The following PTPRO variants were observed in gnomAD, a reference collection of about 807,000 sequenced individuals.
PTPRO encodes receptor-type tyrosine-protein phosphatase O.
In PTPRO, 62 loss-of-function variants were observed where a neutral mutation model predicts 145.2. That is an observed-to-expected ratio of 0.43 (90% CI 0.35 to 0.53). The LOEUF is 0.53. PTPRO is among the 20% of genes least tolerant of loss of function. PTPRO has a pLI of 0.01. For synonymous variants in PTPRO, 565 were observed against 514.7 expected, an observed-to-expected ratio of 1.10 and a Z score of -1.32; for missense variants, 1,345 against 1,482.7, an observed-to-expected ratio of 0.91 and a Z score of 1.53.
intron 1 of PTPRO, among the ~76,000 whole-genome samples, chr12:15,428,263 GT>G (rs750342264): frequency 3.8e-4 from 58 of 152,212 alleles, no homozygotes; most frequent in Non-Finnish European, 6.6e-4. Flanking sequence ...AAATAATTTG[GT>G]TGCAAGGGTG....
At chr12:15,510,005 G>A (rs912022961) in intron 7 of PTPRO, among the ~76,000 whole-genome samples, 1 of 151,918 alleles carries the variant, frequency 6.6e-6, no homozygotes, top group Non-Finnish European at 1.5e-5. Flanking sequence ...GGTGGTTCTT[G>A]GTGTCTTACA....
At chr12:15,443,747 A>G (rs1940831612) in intron 1 of PTPRO, among the ~76,000 whole-genome samples, 1 of 152,176 alleles carries the variant, frequency 6.6e-6, no homozygotes, top group African/African-American at 2.4e-5. Context: ...GCTCATCATC[A>G]CTAATCATCA....
chr12:15,379,485 C>T (rs897922640), intron 1 of PTPRO, among the ~76,000 whole-genome samples: 1 of 137,266 alleles, frequency 7.3e-6, no homozygotes, highest in East Asian at 2.1e-4. Flanking sequence ...GAGCCCAGAT[C>T]GTGCCATTGC....
chr12:15,481,885 A>G (rs182397661), intron 1 of PTPRO, among the ~76,000 whole-genome samples: 10 of 152,286 alleles, frequency 6.6e-5, no homozygotes, highest in African/African-American at 2.2e-4. Context: ...AGAAACAAAA[A>G]TCAATAAGTT....
intron 5 of PTPRO, among the ~76,000 whole-genome samples, chr12:15,503,696 G>A (rs369375081): frequency 8.5e-5 from 13 of 152,082 alleles, no homozygotes; most frequent in East Asian, 3.8e-4. Context: ...TTTGAATGCC[G>A]TATTTGAGTT....
intron 1 of PTPRO, among the ~76,000 whole-genome samples, chr12:15,392,512 A>G (rs7136113): frequency 0.3 from 44,794 of 151,666 alleles, 7,428 homozygotes; most frequent in African/African-American, 0.45. Context: ...TTTGAGATGA[A>G]GAGTTCGAGA....
At position 15,578,870 on chromosome 12, in the gene PTPRO, A is replaced by G; in HGVS notation, c.2847A>G (p.Gly949=). ...CTTTACAGGAGTTGAAATTGATTGG[A>G]CTGGATATCCCACACTTTGCTGCAG... ...SLQFEELKLI[G]LDIPHFAADL... The change falls in exon 20 of 27, where the codon GGA becomes GGG. Residue 949 remains glycine (G), a synonymous_variant. Transcript: ENST00000281171. 1 of 1,600,742 alleles carries G rather than the reference A, an allele frequency of 6.2e-7. No homozygotes were observed. The highest frequency in any genetic ancestry group is 1.1e-5 in the South Asian group (1 of 90,818).
intron 1 of PTPRO, among the ~76,000 whole-genome samples, chr12:15,404,101 C>T (rs915030508): frequency 3.5e-5 from 5 of 143,008 alleles, no homozygotes; most frequent in Admixed American, 7.7e-5. Context: ...GAGGCTGAGG[C>T]AGGAGAATGC....
rs926733199 is a variant in PTPRO, at chr12:15,598,221, A to G, written c.*2148A>G. On this transcript the variant is annotated 3_prime_UTR_variant, in exon 27 of 27. Transcript: ENST00000281171. Reference sequence around the variant, plus strand: ...GGAACACTGTTGCTCTTCAGTTTGTAGAGTTTATGATGGAAAAGGCATCAG... The same window carrying G: ...GGAACACTGTTGCTCTTCAGTTTGTGGAGTTTATGATGGAAAAGGCATCAG... Among the ~76,000 whole-genome samples, 7 of 152,222 alleles carry G rather than the reference A, an allele frequency of 4.6e-5. No individual in the cohort carries two copies. The highest frequency in any genetic ancestry group is 1.4e-4 in the African/African-American group (6 of 41,456).
intron 1 of PTPRO, among the ~76,000 whole-genome samples, chr12:15,448,619 C>T (rs1255663237): frequency 6.6e-6 from 1 of 151,886 alleles, no homozygotes; most frequent in Admixed American, 6.6e-5. Flanking sequence ...AGAATGGAGG[C>T]CTCTCAAAAA....
chr12:15,503,243 T>C (rs1241138483), intron 5 of PTPRO, among the ~76,000 whole-genome samples: 1 of 152,138 alleles, frequency 6.6e-6, no homozygotes, highest in Non-Finnish European at 1.5e-5. Context: ...TCTGACTCAG[T>C]GTCTTCTTTT....
intron 1 of PTPRO, among the ~76,000 whole-genome samples, chr12:15,361,053 G>A (rs907332903): frequency 1.5e-4 from 22 of 151,080 alleles, no homozygotes; most frequent in African/African-American, 4.8e-4. Context: ...ACAAATATAA[G>A]AGAAAATTTG....
intron 2 of PTPRO, among the ~76,000 whole-genome samples, chr12:15,491,662 A>G: frequency 6.6e-6 from 1 of 152,224 alleles, no homozygotes; most frequent in East Asian, 1.9e-4. Flanking sequence ...TATGCAGTCC[A>G]TTCTTCTTGT....
At chr12:15,425,965 A>C (rs1057065515) in intron 1 of PTPRO, among the ~76,000 whole-genome samples, 20 of 152,006 alleles carry the variant, frequency 1.3e-4, no homozygotes, top group African/African-American at 4.3e-4. Context: ...TTGGTGGAGT[A>C]GATTAAATAT....
intron 17 of PTPRO, among the ~76,000 whole-genome samples, chr12:15,561,766 C>G (rs1296093292): frequency 6.6e-6 from 1 of 152,068 alleles, no homozygotes; most frequent in African/African-American, 2.4e-5. Flanking sequence ...CAGCAAATAC[C>G]CATAAAGTAT....
chr12:15,548,396 T>C (rs1380214165), intron 13 of PTPRO, among the ~76,000 whole-genome samples: 1 of 152,192 alleles, frequency 6.6e-6, no homozygotes, highest in African/African-American at 2.4e-5. Flanking sequence ...ATTTTAAATG[T>C]ACACTTTTTG....
At chr12:15,580,420 C>A (rs1314118790) in intron 21 of PTPRO, among the ~76,000 whole-genome samples, 1 of 152,212 alleles carries the variant, frequency 6.6e-6, no homozygotes, top group African/African-American at 2.4e-5. Context: ...CTAGCACCTG[C>A]ACTTTTAAAA....
chr12:15,502,740 T>G (rs2136471972), intron 5 of PTPRO, among the ~76,000 whole-genome samples: 1 of 152,342 alleles, frequency 6.6e-6, no homozygotes, highest in East Asian at 1.9e-4. Flanking sequence ...TTCAACAAGT[T>G]TGGGTCATGA....
chr12:15,489,544 T>G (rs902012368), intron 2 of PTPRO, among the ~76,000 whole-genome samples: 4 of 152,210 alleles, frequency 2.6e-5, no homozygotes, highest in African/African-American at 9.6e-5. Context: ...ATTTGTAAAC[T>G]GTCATGGCAC....
Sources: allele counts gnomAD v4.1 joint callset (sites outside exome capture counted in the v4.1 genomes callset), GRCh38; gene constraint gnomAD v4.1.1; transcripts MANE v1.5; gene names NCBI Gene and HGNC (gene_info 2026-07-23, HGNC 2026-07-21).